Variants in HHAT observed in about 807,000 individuals in gnomAD.
HHAT encodes the protein protein-cysteine N-palmitoyltransferase HHAT.
HHAT carries 47 observed loss-of-function variants against 70.8 expected under a neutral mutation model. The ratio of observed to expected loss-of-function variants is 0.66; its 90% CI spans 0.53 to 0.85. HHAT has a LOEUF of 0.85. HHAT is among the 40% of genes least tolerant of loss of function. The pLI, the probability that HHAT is intolerant of heterozygous loss-of-function variation, is 0.00. For missense variants in HHAT, 609 were observed against 604.8 expected, an observed-to-expected ratio of 1.01 and a Z score of -0.07; for synonymous variants, 228 against 247.6, an observed-to-expected ratio of 0.92 and a Z score of 0.74.
intron 8 of HHAT, among the ~76,000 whole-genome samples, chr1:210,475,884 G>A (rs1206329693): frequency 6.6e-6 from 1 of 152,062 alleles, no homozygotes; most frequent in East Asian, 1.9e-4. Flanking sequence ...ATCCCTGTTA[G>A]GATTAACTTA....
intron 8 of HHAT, among the ~76,000 whole-genome samples, chr1:210,512,712 G>GTA (rs1324890314): frequency 1.3e-5 from 2 of 149,348 alleles, no homozygotes; most frequent in Non-Finnish European, 3.0e-5. Flanking sequence ...GTGTGTGTGT[G>GTA]TATATACATA....
intron 7 of HHAT, among the ~76,000 whole-genome samples, chr1:210,457,308 T>C (rs965930643): frequency 6.6e-6 from 1 of 152,092 alleles, no homozygotes; most frequent in African/African-American, 2.4e-5. Flanking sequence ...GAGGTTCTTA[T>C]AAATAACCTC....
At chr1:210,495,140 C>T (rs910743204) in intron 8 of HHAT, among the ~76,000 whole-genome samples, 2 of 151,950 alleles carry the variant, frequency 1.3e-5, no homozygotes, top group African/African-American at 2.4e-5. Flanking sequence ...ACCAAGACAA[C>T]GTGGGGTCCT....
At chr1:210,624,158 C>G (rs946022852) in intron 11 of HHAT, among the ~76,000 whole-genome samples, 5 of 152,000 alleles carry the variant, frequency 3.3e-5, no homozygotes, top group Non-Finnish European at 7.4e-5. Context: ...GGACTGGTGA[C>G]TTTACAAGAA....
At chr1:210,463,613 C>T (rs2094028363) in intron 7 of HHAT, among the ~76,000 whole-genome samples, 1 of 152,132 alleles carries the variant, frequency 6.6e-6, no homozygotes, top group Non-Finnish European at 1.5e-5. Flanking sequence ...CATCGGGGTA[C>T]AAGTTTTTGT....
At chr1:210,442,991 C>T (rs1034036169) in intron 7 of HHAT, among the ~76,000 whole-genome samples, 1 of 152,154 alleles carries the variant, frequency 6.6e-6, no homozygotes, top group African/African-American at 2.4e-5. Context: ...TTAGGTCTAA[C>T]ATTTAAGTCT....
At chr1:210,513,014 C>G (rs2094986595) in intron 8 of HHAT, 139 bp from the exon 9 acceptor site, 1 of 565,448 alleles carries the variant, frequency 1.8e-6, no homozygotes, top group Admixed American at 3.8e-5. Context: ...GCTGCTCCAG[C>G]AGCCACATCT....
intron 6 of HHAT, among the ~76,000 whole-genome samples, chr1:210,407,616 C>T (rs1195673642): frequency 6.6e-6 from 1 of 152,224 alleles, no homozygotes; most frequent in African/African-American, 2.4e-5. Context: ...TAGTCACGAA[C>T]AGGTAAAAAT....
At chr1:210,575,115 A>G (rs1290727166) in intron 9 of HHAT, among the ~76,000 whole-genome samples, 1 of 152,124 alleles carries the variant, frequency 6.6e-6, no homozygotes, top group Admixed American at 6.5e-5. Context: ...CCTTAGGGGC[A>G]AGGGAGGGTG....
intron 1 of HHAT, chr1:210,329,406 G>C: frequency 8.9e-7 from 1 of 1,124,744 alleles, no homozygotes; most frequent in Non-Finnish European, 1.1e-6. Context: ...GAACTGCTGC[G>C]GGGAGTTGCG....
At chr1:210,336,921 TG>T (rs531911218) in intron 1 of HHAT, among the ~76,000 whole-genome samples, 12 of 152,348 alleles carry the variant, frequency 7.9e-5, no homozygotes, top group African/African-American at 2.4e-4. Flanking sequence ...TAAGATGTGG[TG>T]GGCACAAGCC....
At chr1:210,558,883 G>C (rs973913764) in intron 9 of HHAT, among the ~76,000 whole-genome samples, 3 of 152,214 alleles carry the variant, frequency 2.0e-5, no homozygotes, top group Non-Finnish European at 4.4e-5. Context: ...GTGCGGGGCT[G>C]TCTTGGGTCA....
intron 11 of HHAT, among the ~76,000 whole-genome samples, chr1:210,644,697 C>T (rs1673681321): frequency 6.7e-6 from 1 of 150,194 alleles, no homozygotes; most frequent in South Asian, 2.1e-4. Context: ...AGTTTGGGAA[C>T]TTTTGCATAG....
intron 8 of HHAT, among the ~76,000 whole-genome samples, chr1:210,491,631 A>C (rs573053210): frequency 6.6e-6 from 1 of 152,194 alleles, no homozygotes; most frequent in South Asian, 2.1e-4. Context: ...ATAAAGATTC[A>C]CTTATTGTGA....
intron 10 of HHAT, among the ~76,000 whole-genome samples, chr1:210,621,803 A>G (rs1335116674): frequency 2.6e-5 from 4 of 152,154 alleles, no homozygotes; most frequent in Non-Finnish European, 5.9e-5. Flanking sequence ...ATCACTGGAG[A>G]GCATTCCAGA....
In HHAT at chr1:210,611,983, T is replaced by C. The variant is rs78773970; in HGVS notation, c.1246-11543T>C. Among the ~76,000 whole-genome samples, 175 of 152,294 alleles carry C rather than the reference T, an allele frequency of 1.1e-3. 1 individual carries two copies. Among genetic ancestry groups the C allele is most frequent in the African/African-American group, 3.5e-3 (144 of 41,562 alleles). On this transcript the variant is annotated intron_variant, in intron 10 of 11. Coordinates refer to ENST00000261458, the MANE Select transcript of HHAT (RefSeq NM_018194.6). Reference sequence around the variant, plus strand: ...TGAAGTGTTCTTTTTTTGTTGTATCTCTGCCATGTTTTGACATCAGGATGA... The same window carrying C: ...TGAAGTGTTCTTTTTTTGTTGTATCCCTGCCATGTTTTGACATCAGGATGA...
intron 7 of HHAT, among the ~76,000 whole-genome samples, chr1:210,431,089 T>A (rs908698626): frequency 6.6e-6 from 1 of 151,958 alleles, no homozygotes; most frequent in Non-Finnish European, 1.5e-5. Context: ...TTGGGAATTC[T>A]TTGGTGTCTG....
intron 5 of HHAT, among the ~76,000 whole-genome samples, chr1:210,402,788 TA>T (rs1405168584): frequency 2.6e-5 from 4 of 152,244 alleles, no homozygotes; most frequent in Non-Finnish European, 5.9e-5. Context: ...GGTATCTTTT[TA>T]TTCATTCATT....
intron 11 of HHAT, among the ~76,000 whole-genome samples, chr1:210,666,889 GA>G (rs1679006215): frequency 6.6e-6 from 1 of 151,858 alleles, no homozygotes; most frequent in Non-Finnish European, 1.5e-5. Context: ...TCAGGAGACC[GA>G]GACCATGGTG....
Sources: gnomAD v4.1 joint callset for allele counts (sites outside exome capture counted in the v4.1 genomes callset) on GRCh38, gnomAD v4.1.1 for gene constraint, MANE v1.5 for transcripts, NCBI Gene and HGNC (gene_info 2026-07-23, HGNC 2026-07-21) for gene names.